The following PITPNC1 variants were observed in gnomAD, a reference collection of about 807,000 sequenced individuals.
PITPNC1 encodes cytoplasmic phosphatidylinositol transfer protein 1.
Under a neutral mutation model 44.7 loss-of-function variants are expected in PITPNC1, and 18 were observed. The ratio of observed to expected loss-of-function variants is 0.40; its 90% CI spans 0.28 to 0.60. The LOEUF is 0.60. Ranked by LOEUF, PITPNC1 falls within the 20% of genes least tolerant of loss-of-function variation. The pLI is 0.39. For synonymous variants in PITPNC1, 141 were observed against 149.6 expected, an observed-to-expected ratio of 0.94 and a Z score of 0.42; for missense variants, 290 against 418.4, an observed-to-expected ratio of 0.69 and a Z score of 2.68.
At chr17:67,652,542 C>T in intron 6 of PITPNC1, among the ~76,000 whole-genome samples, 1 of 152,206 alleles carries the variant, frequency 6.6e-6, no homozygotes, top group East Asian at 1.9e-4. Flanking sequence ...TGCCATCTGC[C>T]AAGCCTGGAG....
intron 1 of PITPNC1, among the ~76,000 whole-genome samples, chr17:67,414,590 C>T (rs1324812485): frequency 6.6e-6 from 1 of 152,164 alleles, no homozygotes; most frequent in African/African-American, 2.4e-5. Context: ...AACACGGGCA[C>T]ACTCAAGGTA....
intron 1 of PITPNC1, among the ~76,000 whole-genome samples, chr17:67,511,386 G>T (rs139259965): frequency 6.6e-6 from 1 of 152,246 alleles, no homozygotes; most frequent in Non-Finnish European, 1.5e-5. Context: ...TAGGTAAAAT[G>T]GTAAGAACAT....
chr17:67,643,752 G>T (rs2042116072), intron 6 of PITPNC1, among the ~76,000 whole-genome samples: 1 of 152,164 alleles, frequency 6.6e-6, no homozygotes, highest in African/African-American at 2.4e-5. Context: ...TGACGTCAAA[G>T]GCAAGGCATG....
chr17:67,398,308 C>T (rs1376521758), intron 1 of PITPNC1, among the ~76,000 whole-genome samples: 1 of 152,052 alleles, frequency 6.6e-6, no homozygotes, highest in Non-Finnish European at 1.5e-5. Flanking sequence ...ATCTGTGCTT[C>T]GGGATTCAGC....
rs547284031 is a variant in PITPNC1, at chr17:67,621,997, A to T, written c.367-10146A>T. Among the ~76,000 whole-genome samples, 3 of 152,220 alleles carry T rather than the reference A, an allele frequency of 2.0e-5. No individual in the cohort carries two copies. The East Asian group carries it at 5.8e-4, about 29-fold the overall frequency. ...CTTTTGCACCAACCTAATATTTAAA[A>T]AAAGACTCACTCCTGTAATCCCAGC... On this transcript the variant is annotated intron_variant, in intron 5 of 8. Coordinates refer to ENST00000581322, the MANE Select transcript of PITPNC1 (RefSeq NM_012417.4).
At chr17:67,532,777 T>C in intron 1 of PITPNC1, 25 bp from the exon 2 acceptor site, 1 of 1,544,972 alleles carries the variant, frequency 6.5e-7, no homozygotes. Context: ...GGGCTGACCT[T>C]TCTGTCTCTG....
At chr17:67,611,360 C>T (rs893468454) in intron 5 of PITPNC1, 2 of 152,204 alleles carry the variant, frequency 1.3e-5, no homozygotes, top group Non-Finnish European at 2.9e-5. Context: ...TTTGCTATTA[C>T]CTGTCAAGTT....
Position 67,538,725 on chromosome 17 carries a change from AAAAT to A in PITPNC1, c.197+5784_197+5787del, listed in dbSNP as rs1187357446. Reference sequence around the variant, plus strand: ...GAGTAGACTAGAACTAATTAAATAAAAAATAAATAAATGGAATCATTAATATTAC... The same window carrying A: ...GAGTAGACTAGAACTAATTAAATAAAAAATAAATGGAATCATTAATATTAC... On this transcript the variant is annotated intron_variant, in intron 2 of 8. Coordinates refer to ENST00000581322, the MANE Select transcript of PITPNC1 (RefSeq NM_012417.4). 4.6e-5 allele frequency among the ~76,000 whole-genome samples: 7 copies of A among 152,294 alleles called. No homozygotes were observed. The South Asian group carries it at 1.2e-3, about 27-fold the overall frequency.
At chr17:67,580,732 T>C (rs553390155) in intron 5 of PITPNC1, among the ~76,000 whole-genome samples, 96 of 152,320 alleles carry the variant, frequency 6.3e-4, no homozygotes, top group African/African-American at 2.1e-3. Context: ...CATGAGTTTA[T>C]TCAAAACAGC....
chr17:67,386,777 C>G (rs1419549473), intron 1 of PITPNC1, among the ~76,000 whole-genome samples: 4 of 152,016 alleles, frequency 2.6e-5, no homozygotes, highest in Non-Finnish European at 4.4e-5. Flanking sequence ...TAGTGTTAGG[C>G]AAGTCTGAAA....
chr17:67,594,196 A>G (rs2041430280), intron 5 of PITPNC1, among the ~76,000 whole-genome samples: 1 of 152,082 alleles, frequency 6.6e-6, no homozygotes, highest in Admixed American at 6.5e-5. Context: ...GCTGTTCTGA[A>G]CTTCCCCAGC....
At chr17:67,475,231 C>T (rs770299127) in intron 1 of PITPNC1, among the ~76,000 whole-genome samples, 23 of 152,082 alleles carry the variant, frequency 1.5e-4, no homozygotes, top group Non-Finnish European at 2.9e-4. Context: ...TTGCTTTCTG[C>T]GCGGTTTCTG....
chr17:67,532,765 T>G (rs2040479777), intron 1 of PITPNC1, 37 bp from the exon 2 acceptor site: 2 of 1,528,756 alleles, frequency 1.3e-6, no homozygotes, highest in African/African-American at 1.4e-5. Flanking sequence ...GGGCACGCTG[T>G]GGGGCTGACC....
intron 4 of PITPNC1, among the ~76,000 whole-genome samples, chr17:67,577,064 A>G (rs77822087): frequency 0.01 from 1,551 of 151,304 alleles, 26 homozygotes; most frequent in African/African-American, 0.035. Context: ...GGAGAATCGC[A>G]TAAGGCCGGG....
At chr17:67,408,700 TCC>T (rs1567978347) in intron 1 of PITPNC1, 14 of 143,978 alleles carry the variant, frequency 9.7e-5, no homozygotes, top group African/African-American at 3.6e-4. Context: ...CTTCCTTCCT[TCC>T]TTCCTTCCTT....
intron 1 of PITPNC1, among the ~76,000 whole-genome samples, chr17:67,465,535 G>A (rs2039413175): frequency 6.6e-6 from 1 of 152,164 alleles, no homozygotes; most frequent in Admixed American, 6.5e-5. Flanking sequence ...GGGTGCCCAG[G>A]AACTAGCAAA....
At chr17:67,669,343 C>T (rs1404438919) in intron 6 of PITPNC1, among the ~76,000 whole-genome samples, 165 bp from the exon 7 acceptor site, 1 of 152,034 alleles carries the variant, frequency 6.6e-6, no homozygotes, top group South Asian at 2.1e-4. Context: ...CTTGAACTCC[C>T]GACCTCAGGT....
intron 5 of PITPNC1, among the ~76,000 whole-genome samples, chr17:67,583,678 T>G (rs1598851150): frequency 1.4e-5 from 2 of 147,180 alleles, no homozygotes; most frequent in Non-Finnish European, 1.5e-5. Flanking sequence ...TGGTCTGAGG[T>G]GGGGTTGAGG....
intron 6 of PITPNC1, among the ~76,000 whole-genome samples, chr17:67,650,154 C>T (rs979430826): frequency 2.6e-5 from 4 of 152,138 alleles, no homozygotes; most frequent in Admixed American, 1.3e-4. Context: ...AAAAGTCACC[C>T]CCATCACTCA....
Sources: gnomAD v4.1 joint callset for allele counts (sites outside exome capture counted in the v4.1 genomes callset) on GRCh38, gnomAD v4.1.1 for gene constraint, MANE v1.5 for transcripts, NCBI Gene and HGNC (gene_info 2026-07-23, HGNC 2026-07-21) for gene names.